ADAM32: variants seen among roughly 807,000 people sequenced by gnomAD.
The protein encoded by ADAM32 is ADAM metallopeptidase domain 32, also known as disintegrin and metalloproteinase domain-containing protein 32.
ADAM32 carries 89 observed loss-of-function variants against 114.9 expected under a neutral mutation model. The observed-to-expected ratio is 0.77, with a 90% CI of 0.65 to 0.92. The LOEUF (loss-of-function observed/expected upper bound fraction) is 0.92, where lower values mean the gene tolerates loss of function less well. ADAM32 is among the 40% of genes least tolerant of loss of function. ADAM32 has a pLI of 0.00. For missense variants in ADAM32, 870 were observed against 932.8 expected (o/e 0.93, Z 0.88); for synonymous variants, 285 against 307.5 (o/e 0.93, Z 0.77).
chr8:39,227,937 G>A (rs7014407), intron 14 of ADAM32, among the ~76,000 whole-genome samples: 18,844 of 152,156 alleles, frequency 0.12, 3,891 homozygotes, highest in African/African-American at 0.43. Flanking sequence ...TACGCCCTCC[G>A]CTGCCTCCAC....
chr8:39,272,055 T>A (rs1379437139), intron 20 of ADAM32, among the ~76,000 whole-genome samples: 2 of 140,220 alleles, frequency 1.4e-5, no homozygotes, highest in African/African-American at 5.3e-5. Context: ...TTCATTTAGC[T>A]TAGGAGTTCA....
intron 18 of ADAM32, 40 bp downstream of exon 18, chr8:39,254,556 C>T: frequency 7.0e-7 from 1 of 1,425,496 alleles, no homozygotes; most frequent in Non-Finnish European, 9.4e-7. Context: ...TAATAAAATT[C>T]TCAAATTGCT....
chr8:39,141,113 C>A (rs867092670), intron 3 of ADAM32, among the ~76,000 whole-genome samples: 151 of 152,164 alleles, frequency 9.9e-4, no homozygotes, highest in African/African-American at 3.5e-3. Flanking sequence ...AGTGGTCTAT[C>A]AATTTTGTTG....
intron 17 of ADAM32, among the ~76,000 whole-genome samples, chr8:39,251,692 C>G (rs902172296): frequency 3.3e-5 from 5 of 151,690 alleles, no homozygotes; most frequent in African/African-American, 1.2e-4. Flanking sequence ...TTGATTGCTT[C>G]TTTTGCTGTG....
chr8:39,229,855 A>T (rs953767001), intron 14 of ADAM32, among the ~76,000 whole-genome samples: 2 of 152,212 alleles, frequency 1.3e-5, no homozygotes, highest in African/African-American at 4.8e-5. Context: ...CTTAACAGAT[A>T]TATACAGAAC....
intron 17 of ADAM32, among the ~76,000 whole-genome samples, chr8:39,250,576 C>T (rs1811225095): frequency 6.6e-6 from 1 of 151,430 alleles, no homozygotes; most frequent in Non-Finnish European, 1.5e-5. Flanking sequence ...ATAGTTGTAC[C>T]TGTTGTGGGG....
chr8:39,201,313 G>C (rs536657530), intron 11 of ADAM32, among the ~76,000 whole-genome samples: 2 of 152,304 alleles, frequency 1.3e-5, no homozygotes, highest in South Asian at 4.1e-4. Context: ...GCAGTGGTTT[G>C]TAGTTCTCCT....
At chr8:39,203,615 C>G (rs1807597192) in intron 11 of ADAM32, among the ~76,000 whole-genome samples, 1 of 152,132 alleles carries the variant, frequency 6.6e-6, no homozygotes, top group South Asian at 2.1e-4. Flanking sequence ...TTAATTGGAG[C>G]ATTTAGCCCA....
chr8:39,246,742 G>A (rs771688989), intron 17 of ADAM32, among the ~76,000 whole-genome samples: 1 of 152,150 alleles, frequency 6.6e-6, no homozygotes, highest in Admixed American at 6.6e-5. Context: ...AGGATTCACT[G>A]TTAGTGTCTC....
At chr8:39,232,224 GT>G in intron 15 of ADAM32, 89 bp downstream of exon 15, 1 of 1,043,680 alleles carries the variant, frequency 9.6e-7, no homozygotes, top group Admixed American at 2.6e-5. Flanking sequence ...CATTCCAGTG[GT>G]TTAAAGTATT....
chr8:39,151,962 T>C (rs953299966), intron 6 of ADAM32, among the ~76,000 whole-genome samples: 10 of 152,120 alleles, frequency 6.6e-5, no homozygotes, highest in Admixed American at 6.6e-4. Context: ...CGTGCCTGGC[T>C]GTTCATCTTT....
chr8:39,113,327 G>T (rs1162834443), intron 1 of ADAM32, among the ~76,000 whole-genome samples: 3 of 152,168 alleles, frequency 2.0e-5, no homozygotes, highest in Admixed American at 1.3e-4. Flanking sequence ...AGGGTGTCCT[G>T]TGTCATAACA....
chr8:39,162,184 T>C (rs1178814911), intron 7 of ADAM32, among the ~76,000 whole-genome samples: 3 of 111,878 alleles, frequency 2.7e-5, no homozygotes, highest in Non-Finnish European at 5.0e-5. Context: ...CAATAGGCCC[T>C]GGTGTGTGAT....
Position 39,237,755 on chromosome 8 carries a change from A to T in ADAM32, c.1818+3673A>T, listed in dbSNP as rs370731818. 1.6e-4 allele frequency among the ~76,000 whole-genome samples: 25 copies of T among 152,082 alleles called. No homozygotes were observed. The East Asian group carries it at 4.5e-3, about 27-fold the overall frequency. On this transcript the variant is annotated intron_variant, in intron 16 of 24. Coordinates refer to ENST00000379907, the MANE Select transcript of ADAM32 (RefSeq NM_145004.7). Reference sequence around the variant, plus strand: ...CTACCCAAGGAGAGTTTGAGCTCAGACATGCCCAACTCTGCCCTCATCTGA... The same window carrying T: ...CTACCCAAGGAGAGTTTGAGCTCAGTCATGCCCAACTCTGCCCTCATCTGA...
intron 10 of ADAM32, 88 bp downstream of exon 10, chr8:39,170,085 A>T: frequency 3.0e-6 from 3 of 1,012,822 alleles, no homozygotes; most frequent in African/African-American, 3.3e-5. Flanking sequence ...ATTTATGTGC[A>T]TGTTTCCATT....
At chr8:39,233,061 C>T (rs940422654) in intron 15 of ADAM32, among the ~76,000 whole-genome samples, 10 of 152,086 alleles carry the variant, frequency 6.6e-5, no homozygotes, top group African/African-American at 2.4e-4. Flanking sequence ...TAACAGATCT[C>T]TAGTATTGTT....
intron 6 of ADAM32, among the ~76,000 whole-genome samples, chr8:39,156,106 G>T (rs1222155200): frequency 1.3e-5 from 2 of 151,966 alleles, no homozygotes; most frequent in Non-Finnish European, 2.9e-5. Context: ...AAATAATTTG[G>T]GGAAAAGTGA....
At chr8:39,113,122 G>A (rs1056955918) in intron 1 of ADAM32, among the ~76,000 whole-genome samples, 1 of 152,174 alleles carries the variant, frequency 6.6e-6, no homozygotes, top group South Asian at 2.1e-4. Flanking sequence ...CTCTCTTGAA[G>A]CACTGTCTTG....
intron 16 of ADAM32, among the ~76,000 whole-genome samples, chr8:39,238,219 G>A (rs925568578): frequency 6.6e-6 from 1 of 152,180 alleles, no homozygotes; most frequent in Non-Finnish European, 1.5e-5. Flanking sequence ...TAGTATCAAT[G>A]GCTGAGAGAC....
Sources: allele counts gnomAD v4.1 joint callset (sites outside exome capture counted in the v4.1 genomes callset), GRCh38; gene constraint gnomAD v4.1.1; transcripts MANE v1.5; gene names NCBI Gene and HGNC (gene_info 2026-07-23, HGNC 2026-07-21).